The following HYCC2 variants were observed in gnomAD, a reference collection of about 807,000 sequenced individuals.
HYCC2 encodes the protein hyccin PI4KA lipid kinase complex subunit 2.
At chr2:200,992,241 G>T in the HYCC2 span, 4 of 1,197,376 alleles carry the variant, frequency 3.3e-6, no homozygotes, top group South Asian at 1.2e-5. Flanking sequence ...CCTTTTTTAG[G>T]TACCAGTATA....
the HYCC2 span, chr2:201,024,051 A>C: frequency 6.7e-7 from 1 of 1,489,812 alleles, no homozygotes; most frequent in Non-Finnish European, 9.4e-7. Context: ...TAAAAGAAAA[A>C]AGTATTGAAG....
chr2:201,018,224 T>G, the HYCC2 span, among the ~76,000 whole-genome samples: 2 of 152,168 alleles, frequency 1.3e-5, no homozygotes, highest in Non-Finnish European at 2.9e-5. Flanking sequence ...TCCCTAAATA[T>G]GTACTGCCAA....
the HYCC2 span, among the ~76,000 whole-genome samples, chr2:201,056,032 C>T: frequency 2.6e-5 from 4 of 151,940 alleles, no homozygotes; most frequent in Non-Finnish European, 5.9e-5. Context: ...ACTAAAAATA[C>T]AAAAAATTAG....
chr2:200,981,078 A>C, the HYCC2 span: 1 of 665,994 alleles, frequency 1.5e-6, no homozygotes, highest in East Asian at 2.7e-5. This position sits in a 1 kb window ranked among gnomAD's most constrained non-coding sequence, Gnocchi z 4.5. Context: ...ATAGGTGAAG[A>C]GAAGATGTAG....
the HYCC2 span, among the ~76,000 whole-genome samples, chr2:201,047,465 T>TATATATATATATATATACAC: frequency 1.3e-5 from 2 of 148,806 alleles, no homozygotes; most frequent in African/African-American, 2.5e-5. Flanking sequence ...TATATATATA[T>TATATATATATATATATACAC]ACACACACAC....
chr2:201,054,834 T>A, the HYCC2 span, among the ~76,000 whole-genome samples: 2 of 152,322 alleles, frequency 1.3e-5, no homozygotes, highest in African/African-American at 2.4e-5. Flanking sequence ...CGAATTTTTT[T>A]AATTTTAATT....
At chr2:200,984,605 T>C in the HYCC2 span, among the ~76,000 whole-genome samples, 3 of 152,304 alleles carry the variant, frequency 2.0e-5, no homozygotes, top group Admixed American at 2.0e-4. Flanking sequence ...AAAAGCTTGG[T>C]GGGGTATGGT....
the HYCC2 span, among the ~76,000 whole-genome samples, chr2:201,019,197 T>C: frequency 2.4e-3 from 367 of 152,286 alleles, 3 homozygotes; most frequent in African/African-American, 8.5e-3. Context: ...TCCTCTTTAG[T>C]AAAAAACTCT....
At chr2:201,005,896 G>A in the HYCC2 span, among the ~76,000 whole-genome samples, 29 of 152,158 alleles carry the variant, frequency 1.9e-4, no homozygotes, top group African/African-American at 6.3e-4. Flanking sequence ...GCAATGGCAC[G>A]ATCTTGGCTC....
At chr2:201,065,254 A>G in the HYCC2 span, among the ~76,000 whole-genome samples, 2 of 152,204 alleles carry the variant, frequency 1.3e-5, no homozygotes, top group Non-Finnish European at 2.9e-5. Flanking sequence ...CTTGAGACCC[A>G]TTCAAGTTGT....
the HYCC2 span, among the ~76,000 whole-genome samples, chr2:200,984,557 CT>C: frequency 1.3e-5 from 2 of 152,188 alleles, no homozygotes; most frequent in Non-Finnish European, 2.9e-5. Flanking sequence ...ATTACCAAGA[CT>C]TTTCATAGGT....
chr2:201,016,473 G>A, the HYCC2 span, among the ~76,000 whole-genome samples: 1 of 152,170 alleles, frequency 6.6e-6, no homozygotes, highest in African/African-American at 2.4e-5. Flanking sequence ...TAGAGACGAG[G>A]TTTGGCCAAG....
the HYCC2 span, among the ~76,000 whole-genome samples, chr2:201,070,524 T>C: frequency 6.6e-6 from 1 of 152,000 alleles, no homozygotes; most frequent in South Asian, 2.1e-4. Context: ...TGGTGGCGCA[T>C]GCCTGTAATC....
At chr2:201,054,277 G>C in the HYCC2 span, among the ~76,000 whole-genome samples, 1 of 152,182 alleles carries the variant, frequency 6.6e-6, no homozygotes, top group South Asian at 2.1e-4. Flanking sequence ...GTTTCTTCCA[G>C]ACTTCATTCC....
the HYCC2 span, among the ~76,000 whole-genome samples, chr2:201,038,916 C>T: frequency 9.2e-5 from 14 of 151,414 alleles, no homozygotes; most frequent in East Asian, 2.3e-3. Flanking sequence ...AAAAGACTTG[C>T]AAATTGTTGA....
chr2:201,066,993 T>C, the HYCC2 span: 2 of 322,582 alleles, frequency 6.2e-6, no homozygotes, highest in Non-Finnish European at 6.1e-6. Flanking sequence ...ATGAAGAAGA[T>C]AGAAGACAAC....
the HYCC2 span, among the ~76,000 whole-genome samples, chr2:201,070,251 T>C: frequency 6.6e-6 from 1 of 152,200 alleles, no homozygotes; most frequent in African/African-American, 2.4e-5. Flanking sequence ...ATTATATCTA[T>C]AAATATATTT....
At chr2:201,059,816 C>T in the HYCC2 span, among the ~76,000 whole-genome samples, 2 of 152,012 alleles carry the variant, frequency 1.3e-5, no homozygotes, top group African/African-American at 2.4e-5. Flanking sequence ...GAGGCCGAGG[C>T]GGGTGGATCA....
the HYCC2 span, chr2:201,022,179 C>T: frequency 4.3e-6 from 4 of 939,822 alleles, no homozygotes; most frequent in South Asian, 1.4e-5. Context: ...ATACATGAAT[C>T]CAGTGGTGAT....
Sources: gnomAD v4.1 joint callset for allele counts (sites outside exome capture counted in the v4.1 genomes callset) on GRCh38, gnomAD v4.1.1 for gene constraint, Gnocchi (gnomAD v3.1) non-coding constraint, MANE v1.5 for transcripts, NCBI Gene and HGNC (gene_info 2026-07-23, HGNC 2026-07-21) for gene names.